KDM4C: variants seen among roughly 807,000 people sequenced by gnomAD.
The protein encoded by KDM4C is lysine demethylase 4C, also known as lysine-specific demethylase 4C.
Under a neutral mutation model 129.3 loss-of-function variants are expected in KDM4C, and 81 were observed. That is an observed-to-expected ratio of 0.63 (90% CI 0.52 to 0.75). KDM4C has a LOEUF of 0.75. Ranked by LOEUF, KDM4C falls within the 30% of genes least tolerant of loss-of-function variation. The pLI is 0.00. For synonymous variants in KDM4C, 573 were observed against 456.1 expected, an observed-to-expected ratio of 1.26 and a Z score of -3.26; for missense variants, 1,457 against 1,304.0, an observed-to-expected ratio of 1.12 and a Z score of -1.81.
chr9:6,900,121 G>A (rs149142395), intron 8 of KDM4C, among the ~76,000 whole-genome samples: 54 of 152,302 alleles, frequency 3.5e-4, no homozygotes, highest in Non-Finnish European at 7.5e-4. Flanking sequence ...GATCAGTGAT[G>A]ATGCACATTC....
chr9:6,782,910 T>A (rs1374844403), intron 1 of KDM4C, among the ~76,000 whole-genome samples: 1 of 152,110 alleles, frequency 6.6e-6, no homozygotes, highest in Non-Finnish European at 1.5e-5. Flanking sequence ...CTCGGGATAG[T>A]AATAGTTGGT....
intron 15 of KDM4C, among the ~76,000 whole-genome samples, chr9:7,032,303 G>C (rs1199236280): frequency 6.6e-6 from 1 of 152,166 alleles, no homozygotes; most frequent in Non-Finnish European, 1.5e-5. Context: ...TTAGGGTAGA[G>C]ATTATTAAAG....
chr9:6,858,868 A>C (rs1390349778), intron 5 of KDM4C, among the ~76,000 whole-genome samples: 1 of 149,860 alleles, frequency 6.7e-6, no homozygotes, highest in Non-Finnish European at 1.5e-5. Context: ...TTTTGTTTTC[A>C]CACACTACTT....
At chr9:6,789,345 C>G (rs961122112) in intron 1 of KDM4C, among the ~76,000 whole-genome samples, 1 of 151,716 alleles carries the variant, frequency 6.6e-6, no homozygotes, top group Non-Finnish European at 1.5e-5. Flanking sequence ...CTCAGCCTCC[C>G]GAATAGCTTG....
chr9:6,941,443 G>A (rs1028943717), intron 8 of KDM4C: 2 of 152,044 alleles, frequency 1.3e-5, no homozygotes, highest in Non-Finnish European at 2.9e-5. Flanking sequence ...ATATATTTTA[G>A]AATCAAGTGT....
chr9:7,143,302 G>T (rs1196327578), intron 19 of KDM4C, among the ~76,000 whole-genome samples: 5 of 152,184 alleles, frequency 3.3e-5, no homozygotes, highest in Admixed American at 3.3e-4. Flanking sequence ...ATTGAAAAAA[G>T]ATATCACAAT....
At chr9:7,019,759 A>AAAATATAATATTTTTATATAT (rs1563993371) in intron 15 of KDM4C, among the ~76,000 whole-genome samples, 1 of 124,634 alleles carries the variant, frequency 8.0e-6, no homozygotes, top group East Asian at 2.4e-4. Flanking sequence ...TTTTATATAT[A>AAAATATAATATTTTTATATAT]AAAATATAAT....
intron 5 of KDM4C, among the ~76,000 whole-genome samples, chr9:6,869,702 C>T (rs944824452): frequency 6.6e-6 from 1 of 152,216 alleles, no homozygotes; most frequent in Non-Finnish European, 1.5e-5. Context: ...TGTGGGCCGC[C>T]ATTCCCTCCC....
intron 4 of KDM4C, among the ~76,000 whole-genome samples, chr9:6,841,467 CT>C (rs1295420770): frequency 6.6e-6 from 1 of 152,156 alleles, no homozygotes; most frequent in Non-Finnish European, 1.5e-5. Flanking sequence ...TTCATATAGA[CT>C]TTTCCTCTTC....
chr9:7,016,645 T>G (rs1237116129), intron 15 of KDM4C, among the ~76,000 whole-genome samples: 2 of 151,404 alleles, frequency 1.3e-5, no homozygotes, highest in Non-Finnish European at 2.9e-5. Flanking sequence ...AGGCTGGTCT[T>G]GAACTCCTGA....
At chr9:6,791,042 C>T (rs536684716) in intron 1 of KDM4C, among the ~76,000 whole-genome samples, 2 of 152,298 alleles carry the variant, frequency 1.3e-5, no homozygotes, top group African/African-American at 4.8e-5. Flanking sequence ...TTTCTCTTGT[C>T]TGGCCAACTC....
At chr9:7,064,886 T>G (rs946847921) in intron 17 of KDM4C, among the ~76,000 whole-genome samples, 2 of 152,214 alleles carry the variant, frequency 1.3e-5, no homozygotes, top group Non-Finnish European at 2.9e-5. Context: ...ATAATGTATC[T>G]ATCACCCCAT....
intron 15 of KDM4C, among the ~76,000 whole-genome samples, chr9:7,035,594 T>C (rs1827504718): frequency 6.6e-6 from 1 of 152,154 alleles, no homozygotes; most frequent in Admixed American, 6.5e-5. Context: ...CCTTATGTTT[T>C]CTTCTCATAG....
At chr9:6,919,861 C>T (rs983198133) in intron 8 of KDM4C, among the ~76,000 whole-genome samples, 11 of 152,086 alleles carry the variant, frequency 7.2e-5, no homozygotes, top group African/African-American at 2.4e-4. Flanking sequence ...AGGTGTGAGC[C>T]ACTGCACCTG....
At chr9:7,170,206 T>C in intron 21 of KDM4C, 1 of 1,215,726 alleles carries the variant, frequency 8.2e-7, no homozygotes, top group Non-Finnish European at 1.0e-6. Context: ...AAAGATACCA[T>C]CAAGGCATTT....
At chr9:6,891,488 G>C (rs75616290) in intron 7 of KDM4C, among the ~76,000 whole-genome samples, 11,514 of 152,130 alleles carry the variant, frequency 0.076, 746 homozygotes, top group East Asian at 0.2. Flanking sequence ...TAAATCAGGG[G>C]TTTTCTTAGG....
At chr9:7,046,068 T>A (rs1386740499) in intron 15 of KDM4C, among the ~76,000 whole-genome samples, 1 of 152,126 alleles carries the variant, frequency 6.6e-6, no homozygotes, top group Non-Finnish European at 1.5e-5. Flanking sequence ...CTTGAAACAA[T>A]TTAGGTCAAG....
At chr9:7,010,976 G>A (rs1055601247) in intron 12 of KDM4C, among the ~76,000 whole-genome samples, 1 of 152,090 alleles carries the variant, frequency 6.6e-6, no homozygotes, top group African/African-American at 2.4e-5. Context: ...CCCTGGAGGC[G>A]GTGGTTGCAG....
At chr9:7,038,655 C>T (rs1488318794) in intron 15 of KDM4C, among the ~76,000 whole-genome samples, 17 of 151,986 alleles carry the variant, frequency 1.1e-4, no homozygotes, top group African/African-American at 7.2e-5. Flanking sequence ...TAGTCCTTCT[C>T]CATAGATTCA....
Sources: allele counts gnomAD v4.1 joint callset (sites outside exome capture counted in the v4.1 genomes callset), GRCh38; gene constraint gnomAD v4.1.1; transcripts MANE v1.5; gene names NCBI Gene and HGNC (gene_info 2026-07-23, HGNC 2026-07-21).